OPRM1: variants seen among roughly 807,000 people sequenced by gnomAD.
OPRM1 encodes the protein mu-type opioid receptor.
Under a neutral mutation model 31.8 loss-of-function variants are expected in OPRM1, and 27 were observed. That is an observed-to-expected ratio of 0.85 (90% CI 0.63 to 1.17). OPRM1 has a LOEUF of 1.17. OPRM1 is among the 50% of genes most tolerant of loss of function. OPRM1 has a pLI of 0.00. For synonymous variants in OPRM1, 196 were observed against 189.9 expected, an observed-to-expected ratio of 1.03 and a Z score of -0.26; for missense variants, 536 against 511.1, an observed-to-expected ratio of 1.05 and a Z score of -0.47.
intron 1 of OPRM1, among the ~76,000 whole-genome samples, chr6:154,046,019 A>G (rs575120582): frequency 2.6e-5 from 4 of 152,290 alleles, no homozygotes; most frequent in Middle Eastern, 3.4e-3. Context: ...ACTTTTCAAA[A>G]TGGTTCACCT....
intron 3 of OPRM1, among the ~76,000 whole-genome samples, chr6:154,113,483 G>A (rs1046742201): frequency 6.6e-6 from 1 of 152,112 alleles, no homozygotes; most frequent in Non-Finnish European, 1.5e-5. Flanking sequence ...ACTTGATTTG[G>A]ATCACCATGA....
intron 3 of OPRM1, among the ~76,000 whole-genome samples, chr6:154,183,399 T>G (rs1485513744): frequency 6.6e-6 from 1 of 152,240 alleles, no homozygotes; most frequent in Non-Finnish European, 1.5e-5. Context: ...ATGGATGACT[T>G]AATGCTTTAA....
chr6:154,223,143 T>C, intron 3 of OPRM1: 1 of 1,571,458 alleles, frequency 6.4e-7, no homozygotes, highest in Non-Finnish European at 8.8e-7. Flanking sequence ...TGGCTCAGAG[T>C]TTTGTGGAAG....
At chr6:154,109,576 A>G (rs760225171) in intron 3 of OPRM1, among the ~76,000 whole-genome samples, 1 of 152,176 alleles carries the variant, frequency 6.6e-6, no homozygotes, top group Non-Finnish European at 1.5e-5. Context: ...GACCCTTTGA[A>G]TAAGGTTTTC....
chr6:154,144,037 TAG>T (rs1798294661), intron 3 of OPRM1, among the ~76,000 whole-genome samples: 1 of 152,154 alleles, frequency 6.6e-6, no homozygotes, highest in African/African-American at 2.4e-5. Flanking sequence ...AGAAATACTA[TAG>T]ATAATTCAAC....
At chr6:154,013,034 T>TGG (rs546381876) in intron 1 of OPRM1, among the ~76,000 whole-genome samples, 7,876 of 152,080 alleles carry the variant, frequency 0.052, 254 homozygotes, top group East Asian at 0.088. Context: ...TTGGCAGGGC[T>TGG]GGGGGGGTAC....
Position 154,120,906 on chromosome 6 carries a change from C to T in OPRM1, c.*2185C>T, listed in dbSNP as rs148806001. ...TCCATGTCATCTTTGAGACTCTACA[C>T]AGAATACACAATAAAGGGAGTTATT... On this transcript the variant is annotated 3_prime_UTR_variant, in exon 4 of 4. Transcript: ENST00000330432. 3.5e-4 allele frequency among the ~76,000 whole-genome samples: 53 copies of T among 152,232 alleles called. No homozygotes were observed. Among genetic ancestry groups the T allele is most frequent in the African/African-American group, 1.1e-3 (47 of 41,554 alleles).
chr6:154,173,516 G>A (rs996587752), intron 3 of OPRM1, among the ~76,000 whole-genome samples: 11 of 152,198 alleles, frequency 7.2e-5, no homozygotes, highest in African/African-American at 1.7e-4. Flanking sequence ...CAAGAACTTC[G>A]TGAAGCATAC....
At chr6:154,195,297 G>A (rs369011399) in intron 3 of OPRM1, among the ~76,000 whole-genome samples, 224 of 151,782 alleles carry the variant, frequency 1.5e-3, no homozygotes, top group African/African-American at 5.0e-3. Context: ...ACAGGCGCCC[G>A]CCACCACACC....
chr6:154,097,423 G>A (rs1793581224), intron 3 of OPRM1, among the ~76,000 whole-genome samples: 1 of 152,036 alleles, frequency 6.6e-6, no homozygotes, highest in South Asian at 2.1e-4. Flanking sequence ...AGACATCTGT[G>A]GAGAGTTAAT....
chr6:154,221,597 G>A (rs1247027453), intron 3 of OPRM1, among the ~76,000 whole-genome samples: 1 of 152,186 alleles, frequency 6.6e-6, no homozygotes, highest in Non-Finnish European at 1.5e-5. Flanking sequence ...GGTATGGCCG[G>A]GCACGGTGGC....
chr6:154,153,289 G>C (rs935362352), intron 3 of OPRM1, among the ~76,000 whole-genome samples: 4 of 152,200 alleles, frequency 2.6e-5, no homozygotes, highest in African/African-American at 4.8e-5. Flanking sequence ...ACTGGAACCT[G>C]TGTAGACGTA....
At chr6:154,117,460 C>T (rs1796993097) in intron 3 of OPRM1, among the ~76,000 whole-genome samples, 1 of 152,132 alleles carries the variant, frequency 6.6e-6, no homozygotes, top group South Asian at 2.1e-4. Flanking sequence ...CATAATAGTG[C>T]CAGTTCCCCT....
At chr6:154,210,328 A>T (rs1777863629) in intron 3 of OPRM1, among the ~76,000 whole-genome samples, 1 of 152,202 alleles carries the variant, frequency 6.6e-6, no homozygotes, top group Non-Finnish European at 1.5e-5. Flanking sequence ...TGGTGGGCAC[A>T]GTGTGAGGGA....
At chr6:154,031,628 G>A (rs758567498) in intron 1 of OPRM1, among the ~76,000 whole-genome samples, 8 of 151,908 alleles carry the variant, frequency 5.3e-5, no homozygotes, top group Non-Finnish European at 5.9e-5. Flanking sequence ...GTAATTCCAC[G>A]TACTAGCGAG....
intron 3 of OPRM1, among the ~76,000 whole-genome samples, chr6:154,178,986 T>C (rs1421929105): frequency 6.6e-6 from 1 of 152,166 alleles, no homozygotes; most frequent in Non-Finnish European, 1.5e-5. Context: ...TGTCATAATC[T>C]AAGAGGTCTA....
intron 3 of OPRM1, among the ~76,000 whole-genome samples, chr6:154,241,310 G>T (rs1780573437): frequency 6.6e-6 from 1 of 151,508 alleles, no homozygotes; most frequent in Non-Finnish European, 1.5e-5. Context: ...AAGGCTCAGG[G>T]GCCTCAAGCT....
intron 3 of OPRM1, chr6:154,158,953 C>T (rs1301001893): frequency 6.6e-6 from 1 of 151,922 alleles, no homozygotes; most frequent in South Asian, 2.1e-4. Context: ...ATTCAGATGC[C>T]AAAGTCGTCT....
intron 1 of OPRM1, among the ~76,000 whole-genome samples, chr6:154,068,801 C>T (rs1786021398): frequency 6.6e-6 from 1 of 152,152 alleles, no homozygotes; most frequent in Non-Finnish European, 1.5e-5. Context: ...TCCATAATGG[C>T]TCTACTAATT....
Sources: gnomAD v4.1 joint callset for allele counts (sites outside exome capture counted in the v4.1 genomes callset) on GRCh38, gnomAD v4.1.1 for gene constraint, MANE v1.5 for transcripts, NCBI Gene and HGNC (gene_info 2026-07-23, HGNC 2026-07-21) for gene names.